CFAP251: variants seen among roughly 807,000 people sequenced by gnomAD.
The protein encoded by CFAP251 is cilia and flagella associated protein 251.
A neutral mutation model predicts 126.7 loss-of-function variants in CFAP251; 93 were observed. That is an observed-to-expected ratio of 0.73 (90% CI 0.62 to 0.87). CFAP251 has a LOEUF of 0.87. Among genes scored for constraint, CFAP251 ranks in the 40% least tolerant of loss-of-function variants. The pLI, the probability that CFAP251 is intolerant of heterozygous loss-of-function variation, is 0.00. For synonymous variants in CFAP251, 503 were observed against 506.9 expected, an observed-to-expected ratio of 0.99 and a Z score of 0.10; for missense variants, 1,287 against 1,389.2, an observed-to-expected ratio of 0.93 and a Z score of 1.17.
intron 19 of CFAP251, among the ~76,000 whole-genome samples, chr12:121,985,535 CAAAA>C (rs59999924): frequency 1.6e-5 from 1 of 62,524 alleles, no homozygotes; most frequent in Non-Finnish European, 4.0e-5. Context: ...GACTCCATCT[CAAAA>C]AAAAAAAAAA....
chr12:121,968,125 G>A lies in CFAP251; in HGVS notation c.2727G>A (p.Ala909=), dbSNP rs1278617744. The change falls in exon 17 of 22, where the codon GCG becomes GCA. Residue 909 remains alanine, a synonymous_variant. Transcript: ENST00000288912. ...ATGATGGCTGCTACGCCTTCACTGC[G>A]GGAGGGCACGATCGCTCGGTGGTGC... The part of the protein sequence containing the change: ...VSYDGCYAFT[A]GGHDRSVVQW... The A allele has an allele frequency of 5.6e-6, 9 of 1,613,084 alleles. No individual in the cohort carries two copies. The highest frequency in any genetic ancestry group is 2.7e-5 in the African/African-American group (2 of 75,024).
Position 121,921,434 on chromosome 12 carries a change from C to T in CFAP251, c.129C>T (p.Asp43=). The T allele has an allele frequency of 6.2e-7, 1 of 1,612,998 alleles. No homozygotes were observed. The highest frequency in any genetic ancestry group is 8.5e-7 in the Non-Finnish European group (1 of 1,179,916). ...ATCCACAACAGGAATCAAAAGATGA[C>T]ACAATAGCATGGAGAGAGTCTCAGG... The part of the protein sequence containing the change: ...VEDPQQESKD[D]TIAWRESQEE... The change falls in exon 2 of 22, where the codon GAC becomes GAT. Residue 43 remains aspartate, a synonymous_variant. Transcript: ENST00000288912.
chr12:121,974,064 T>C lies in CFAP251; in HGVS notation c.2772-1180T>C, dbSNP rs970290566. 1.3e-5 allele frequency among the ~76,000 whole-genome samples: 2 copies of C among 152,160 alleles called. No homozygotes were observed. Among genetic ancestry groups the C allele is most frequent in the East Asian group, 3.9e-4 (2 of 5,192 alleles). On this transcript the variant is annotated intron_variant, in intron 17 of 21. Transcript: ENST00000288912. The surrounding 1 kb of genome is among the most constrained non-coding windows in gnomAD (Gnocchi z 4.6). Reference sequence around the variant, plus strand: ...TTGTACTCCCATAATTCCCATGTGTTGTGGGAGGGACCTGGTGGGAGATGG... The same window carrying C: ...TTGTACTCCCATAATTCCCATGTGTCGTGGGAGGGACCTGGTGGGAGATGG...
chr12:121,922,710 T>C (rs1880236036), intron 2 of CFAP251, among the ~76,000 whole-genome samples: 1 of 152,260 alleles, frequency 6.6e-6, no homozygotes, highest in Non-Finnish European at 1.5e-5. Flanking sequence ...AGAATGATTT[T>C]GCCATTGTGG....
At chr12:121,969,118 T>C (rs990530863) in intron 17 of CFAP251, 2 of 985,244 alleles carry the variant, frequency 2.0e-6, no homozygotes, top group Admixed American at 1.2e-4. Flanking sequence ...CCTTCCTTCC[T>C]CGGAAAACAA....
intron 5 of CFAP251, among the ~76,000 whole-genome samples, chr12:121,934,902 G>A (rs986894033): frequency 6.6e-6 from 1 of 152,162 alleles, no homozygotes; most frequent in Non-Finnish European, 1.5e-5. Flanking sequence ...GAACTCCCAG[G>A]ATCAAGAGAT....
chr12:121,977,599 G>T (rs1419114195), intron 19 of CFAP251, among the ~76,000 whole-genome samples: 1 of 152,058 alleles, frequency 6.6e-6, no homozygotes, highest in African/African-American at 2.4e-5. Flanking sequence ...GGCGGAGGTT[G>T]CAGTGAGCCA....
intron 13 of CFAP251, 188 bp downstream of exon 13, chr12:121,959,282 T>C (rs1881843189): frequency 5.4e-6 from 3 of 558,698 alleles, no homozygotes; most frequent in Admixed American, 7.0e-5. Flanking sequence ...ACAAAAACAC[T>C]TTTTAAAAAT....
At chr12:121,982,601 C>T (rs1305953722) in intron 19 of CFAP251, among the ~76,000 whole-genome samples, 3 of 152,124 alleles carry the variant, frequency 2.0e-5, no homozygotes, top group Non-Finnish European at 2.9e-5. Flanking sequence ...TGGTCTCAAA[C>T]TCCCGACTTC....
intron 7 of CFAP251, chr12:121,948,353 T>A (rs911588854): frequency 1.3e-5 from 2 of 152,260 alleles, no homozygotes; most frequent in Non-Finnish European, 2.9e-5. Flanking sequence ...TATTGGTGAA[T>A]ACTGGTTTAC....
In CFAP251 at chr12:121,957,186, T is replaced by G. The variant is rs747294226; in HGVS notation, c.1648T>G (p.Ser550Ala). 6.2e-7 allele frequency: 1 copy of G among 1,614,022 alleles called. No individual in the cohort carries two copies. The highest frequency in any genetic ancestry group is 8.5e-7 in the Non-Finnish European group (1 of 1,180,028). ...KLGAIRTLSF[S>A]KTPATPPTEK... ...GGGCGCCATAAGAACTCTGTCCTTT[T>G]CAAAGACCCCAGCAACTCCTCCTAC... The change falls in exon 11 of 22, where the codon TCA becomes GCA. Residue 550 changes from serine to alanine, a missense_variant. Physicochemically the swap from Ser to Ala is moderately conservative, Grantham distance 99 (BLOSUM62 1). Transcript: ENST00000288912.
intron 9 of CFAP251, among the ~76,000 whole-genome samples, chr12:121,952,240 TAAAAAAAAAAAAA>T (rs558861973): frequency 8.4e-4 from 77 of 92,074 alleles, no homozygotes; most frequent in East Asian, 3.4e-3. Flanking sequence ...TCGTTTCTAC[TAAAAAAAAAAAAA>T]AAAAAAAAAA....
chr12:121,998,887 A>G (rs11043282), intron 19 of CFAP251: 1 of 118,462 alleles, frequency 8.4e-6, no homozygotes, highest in Non-Finnish European at 1.7e-5. Flanking sequence ...GAGACCCTGT[A>G]TCAAAAAAAA....
At chr12:121,980,670 T>C (rs1882598973) in intron 19 of CFAP251, among the ~76,000 whole-genome samples, 1 of 152,138 alleles carries the variant, frequency 6.6e-6, no homozygotes, top group African/African-American at 2.4e-5. Context: ...TCATTTTACA[T>C]TAGAAATGTT....
At chr12:121,996,666 A>T (rs982436715) in intron 19 of CFAP251, among the ~76,000 whole-genome samples, 1 of 152,164 alleles carries the variant, frequency 6.6e-6, no homozygotes, top group Non-Finnish European at 1.5e-5. Context: ...AAAATTTTTT[A>T]AATTATTATT....
At chr12:121,964,329 T>C (rs1391042207) in intron 15 of CFAP251, among the ~76,000 whole-genome samples, 1 of 152,196 alleles carries the variant, frequency 6.6e-6, no homozygotes, top group Non-Finnish European at 1.5e-5. Context: ...TCAGAATCAT[T>C]GTGCATAGTT....
At chr12:121,932,078 A>G in intron 4 of CFAP251, 192 bp downstream of exon 4, 1 of 433,922 alleles carries the variant, frequency 2.3e-6, no homozygotes, top group Non-Finnish European at 3.8e-6. Flanking sequence ...ATCAGAATCA[A>G]CTTACAAAAC....
rs867456095 is a variant in CFAP251, at chr12:122,000,016, G to A, written c.3235+72G>A. On this transcript the variant is annotated intron_variant, in intron 20 of 21. Coordinates refer to ENST00000288912, the MANE Select transcript of CFAP251 (RefSeq NM_144668.6). ...CAGTGTAGAGAACTGAGTTTGGGGAGCCAGCCCCTGTGGAGCTCCATCTTT... is the reference window on the plus strand; with the variant it reads ...CAGTGTAGAGAACTGAGTTTGGGGAACCAGCCCCTGTGGAGCTCCATCTTT... The A allele has an allele frequency of 1.1e-4, 147 of 1,375,930 alleles. 3 individuals carry two copies. In the Middle Eastern group the frequency reaches 2.5e-3, roughly 24 times the overall value. 85.2% of individuals were successfully genotyped at this position (1,375,930 alleles called of 1,614,324 possible). A position where few individuals can be genotyped will look rare whatever the true frequency, so the allele number is the denominator to read the frequency against.
At chr12:121,957,915 G>A (rs1239154812) in intron 11 of CFAP251, among the ~76,000 whole-genome samples, 3 of 152,062 alleles carry the variant, frequency 2.0e-5, no homozygotes, top group Non-Finnish European at 4.4e-5. Flanking sequence ...TTTCAAGACC[G>A]AATTATCTGT....
Sources: gnomAD v4.1 joint callset for allele counts (sites outside exome capture counted in the v4.1 genomes callset) on GRCh38, gnomAD v4.1.1 for gene constraint, Gnocchi (gnomAD v3.1) non-coding constraint, MANE v1.5 for transcripts, NCBI Gene and HGNC (gene_info 2026-07-23, HGNC 2026-07-21) for gene names.